Variants in ERC2 observed in about 807,000 individuals in gnomAD.
ERC2 encodes ELKS/RAB6-interacting/CAST family member 2.
A neutral mutation model predicts 114.8 loss-of-function variants in ERC2; 42 were observed. The observed-to-expected ratio is 0.37, with a 90% confidence interval of 0.29 to 0.47. The LOEUF (loss-of-function observed/expected upper bound fraction) is 0.47, where lower values mean the gene tolerates loss of function less well. ERC2 is among the 20% of genes least tolerant of loss of function. The pLI, the probability that ERC2 is intolerant of heterozygous loss-of-function variation, is 0.99. For missense variants in ERC2, 939 were observed against 1,150.7 expected, an observed-to-expected ratio of 0.82 and a Z score of 2.66; for synonymous variants, 454 against 425.5, an observed-to-expected ratio of 1.07 and a Z score of -0.82.
At chr3:56,375,867 A>G (rs557236493) in intron 2 of ERC2, among the ~76,000 whole-genome samples, 51 of 152,282 alleles carry the variant, frequency 3.3e-4, no homozygotes, top group Non-Finnish European at 6.0e-4. Flanking sequence ...CTCTTGCTCA[A>G]TCACTCTGAG....
intron 14 of ERC2, among the ~76,000 whole-genome samples, chr3:55,881,205 G>A (rs1442502499): frequency 6.6e-6 from 1 of 152,116 alleles, no homozygotes; most frequent in East Asian, 1.9e-4. Context: ...CCTAATGAGT[G>A]GCTCTCTCAG....
chr3:55,599,637 C>T (rs890148739), intron 17 of ERC2, among the ~76,000 whole-genome samples: 1 of 152,150 alleles, frequency 6.6e-6, no homozygotes, highest in Non-Finnish European at 1.5e-5. Flanking sequence ...TTTTAAACTT[C>T]AGCACTAAAT....
At chr3:56,188,639 C>T (rs1017020336) in intron 3 of ERC2, among the ~76,000 whole-genome samples, 5 of 152,180 alleles carry the variant, frequency 3.3e-5, no homozygotes, top group East Asian at 3.9e-4. Context: ...ATTTTCATTT[C>T]AAACACTTGT....
At chr3:55,808,825 A>G (rs936024452) in intron 14 of ERC2, among the ~76,000 whole-genome samples, 31 of 147,536 alleles carry the variant, frequency 2.1e-4, no homozygotes, top group Non-Finnish European at 5.9e-5. Context: ...TTTGTTTTCT[A>G]TATTGAAAAG....
At chr3:56,211,101 G>A (rs1179774654) in intron 3 of ERC2, among the ~76,000 whole-genome samples, 1 of 152,068 alleles carries the variant, frequency 6.6e-6, no homozygotes, top group Non-Finnish European at 1.5e-5. Flanking sequence ...TTCAGCCAGA[G>A]CAATCATACA....
intron 1 of ERC2, among the ~76,000 whole-genome samples, chr3:56,436,392 T>G (rs922040599): frequency 6.6e-6 from 1 of 152,214 alleles, no homozygotes; most frequent in Non-Finnish European, 1.5e-5. Context: ...AAATAGATTT[T>G]GAAGGTAAGT....
intron 14 of ERC2, among the ~76,000 whole-genome samples, chr3:55,849,872 A>G (rs1392428088): frequency 6.6e-6 from 1 of 152,202 alleles, no homozygotes; most frequent in African/African-American, 2.4e-5. Flanking sequence ...AATAATGCCA[A>G]TACCCAACTG....
At chr3:55,519,408 C>T (rs1340597566) in intron 17 of ERC2, among the ~76,000 whole-genome samples, 3 of 152,172 alleles carry the variant, frequency 2.0e-5, no homozygotes, top group Non-Finnish European at 1.5e-5. Flanking sequence ...AATACCTCAT[C>T]CCAGGGCCCA....
intron 14 of ERC2, among the ~76,000 whole-genome samples, chr3:55,785,130 C>T (rs992226886): frequency 1.3e-5 from 2 of 152,158 alleles, no homozygotes; most frequent in African/African-American, 4.8e-5. Context: ...CCTTGAAGGA[C>T]ATTTGACCCA....
intron 1 of ERC2, among the ~76,000 whole-genome samples, chr3:56,458,643 C>T (rs539952124): frequency 2.1e-4 from 32 of 152,234 alleles, no homozygotes; most frequent in East Asian, 5.8e-4. Context: ...CAAGCCCATA[C>T]GAATGCCACG....
At chr3:55,966,089 T>TC (rs1359434424) in intron 12 of ERC2, among the ~76,000 whole-genome samples, 3 of 152,134 alleles carry the variant, frequency 2.0e-5, no homozygotes, top group Non-Finnish European at 2.9e-5. Context: ...CAGTACTAGC[T>TC]CTAGGGTATG....
chr3:56,074,588 C>T (rs1225822473), intron 7 of ERC2, among the ~76,000 whole-genome samples: 2 of 151,962 alleles, frequency 1.3e-5, no homozygotes, highest in Admixed American at 6.6e-5. Flanking sequence ...CTGTAAATAC[C>T]ACATTTCTTT....
chr3:55,622,034 C>G (rs189445069), intron 17 of ERC2, among the ~76,000 whole-genome samples: 1 of 152,320 alleles, frequency 6.6e-6, no homozygotes, highest in Admixed American at 6.5e-5. Flanking sequence ...CCTAACTGGA[C>G]ATAGTTGGGT....
At chr3:56,040,185 A>C (rs1267887107) in intron 7 of ERC2, among the ~76,000 whole-genome samples, 1 of 152,196 alleles carries the variant, frequency 6.6e-6, no homozygotes, top group African/African-American at 2.4e-5. Context: ...CAAAGGAAAC[A>C]TAGACGTTGA....
At chr3:55,842,145 A>T (rs545897111) in intron 14 of ERC2, among the ~76,000 whole-genome samples, 11 of 152,330 alleles carry the variant, frequency 7.2e-5, no homozygotes, top group Non-Finnish European at 1.5e-4. Flanking sequence ...GCTCAGAAAA[A>T]TATTAAGAAT....
chr3:55,783,413 T>C (rs2069223032), intron 14 of ERC2, among the ~76,000 whole-genome samples: 1 of 152,216 alleles, frequency 6.6e-6, no homozygotes, highest in Non-Finnish European at 1.5e-5. Context: ...TTGTTATTTT[T>C]TAAACTAGTC....
intron 10 of ERC2, among the ~76,000 whole-genome samples, chr3:56,000,894 A>T (rs1576514254): frequency 2.2e-5 from 2 of 91,946 alleles, no homozygotes; most frequent in South Asian, 8.1e-4. Flanking sequence ...TCTTAAGTTT[A>T]AAAAAAAAAA....
intron 13 of ERC2, among the ~76,000 whole-genome samples, chr3:55,921,822 C>A (rs1321815356): frequency 6.6e-6 from 1 of 152,098 alleles, no homozygotes. Flanking sequence ...AATGGGACAT[C>A]TTAAAAACAA....
At chr3:55,908,368 G>T (rs571743233) in intron 13 of ERC2, among the ~76,000 whole-genome samples, 1 of 152,102 alleles carries the variant, frequency 6.6e-6, no homozygotes, top group Admixed American at 6.5e-5. Context: ...TGTCAAGCAG[G>T]GTTGGTGGAA....
Sources: gnomAD v4.1 joint callset for allele counts (sites outside exome capture counted in the v4.1 genomes callset) on GRCh38, gnomAD v4.1.1 for gene constraint, MANE v1.5 for transcripts, NCBI Gene and HGNC (gene_info 2026-07-23, HGNC 2026-07-21) for gene names.